Variants in HIF1AN observed in about 807,000 individuals in gnomAD.
HIF1AN encodes hypoxia inducible factor 1 subunit alpha inhibitor.
A neutral mutation model predicts 47.7 loss-of-function variants in HIF1AN; 21 were observed. The ratio of observed to expected loss-of-function variants is 0.44; its 90% CI spans 0.31 to 0.63. The LOEUF is 0.63. Among genes scored for constraint, HIF1AN ranks in the 30% least tolerant of loss-of-function variants. The pLI, the probability that HIF1AN is intolerant of heterozygous loss-of-function variation, is 0.07. For missense variants in HIF1AN, 320 were observed against 432.7 expected, an observed-to-expected ratio of 0.74 and a Z score of 2.31; for synonymous variants, 152 against 155.9, an observed-to-expected ratio of 0.98 and a Z score of 0.18.
At chr10:100,538,578 C>T (rs112819984) in intron 2 of HIF1AN, among the ~76,000 whole-genome samples, 3 of 152,152 alleles carry the variant, frequency 2.0e-5, no homozygotes, top group African/African-American at 7.2e-5. Context: ...CACCTGTAAT[C>T]TCAGCACTTC....
At chr10:100,545,840 TTTTTG>T in intron 4 of HIF1AN, 98 bp from the exon 5 acceptor site, 3 of 758,324 alleles carry the variant, frequency 4.0e-6, no homozygotes, top group Non-Finnish European at 6.7e-6. Context: ...CATCGTTTTT[TTTTTG>T]TTTGTTTGTT....
At chr10:100,546,451 G>T (rs1191721089) in intron 5 of HIF1AN, 67 bp from the exon 6 acceptor site, 17 of 367,924 alleles carry the variant, frequency 4.6e-5, no homozygotes, top group Admixed American at 2.7e-4. Flanking sequence ...CCACCCCCCC[G>T]CACTTCGCCC....
rs1037774784 is a variant in HIF1AN, at chr10:100,548,902, A to T, written c.*765A>T. 1 of 152,586 alleles carries T rather than the reference A, an allele frequency of 6.6e-6. No homozygotes were observed. Among genetic ancestry groups the T allele is most frequent in the Non-Finnish European group, 1.5e-5 (1 of 68,032 alleles). 9.5% of individuals were successfully genotyped at this position (152,586 alleles called of 1,614,324 possible). On this transcript the variant is annotated 3_prime_UTR_variant, in exon 8 of 8. Transcript: ENST00000299163. ...GAGACACATATAGTTTCTCTCTTTC[A>T]GCACCAGCTCTTGCCCCTATGCTGG... is the stretch of plus-strand genomic sequence containing the variant.
intron 2 of HIF1AN, among the ~76,000 whole-genome samples, chr10:100,538,954 G>A (rs1382991833): frequency 7.0e-6 from 1 of 142,668 alleles, no homozygotes; most frequent in African/African-American, 2.7e-5. Context: ...CACCCAGGCT[G>A]GAGTGCAGTG....
Position 100,559,044 on chromosome 10 carries a change from GTTTC to G in HIF1AN, c.*10911_*10914del, listed in dbSNP as rs1167024218. ...GAATTTTAAGTTGAAATTTTGCTAA[GTTTC>G]TTTTTTTTTTTTTTGAGACGGAGTC... On this transcript the variant is annotated 3_prime_UTR_variant, in exon 8 of 8. Coordinates refer to ENST00000299163, the MANE Select transcript of HIF1AN (RefSeq NM_017902.3). 6.6e-6 allele frequency: 1 copy of G among 150,814 alleles called. No individual in the cohort carries two copies. The highest frequency in any genetic ancestry group is 1.5e-5 in the Non-Finnish European group (1 of 67,706). 9.3% of individuals were successfully genotyped at this position (150,814 alleles called of 1,614,324 possible).
intron 2 of HIF1AN, 103 bp downstream of exon 2, chr10:100,536,764 C>T: frequency 8.0e-7 from 1 of 1,251,496 alleles, no homozygotes. Flanking sequence ...AGAGATTGGC[C>T]TCTCCCATCT....
chr10:100,547,362 A>C, intron 7 of HIF1AN, 112 bp downstream of exon 7: 1 of 684,986 alleles, frequency 1.5e-6, no homozygotes, highest in Non-Finnish European at 2.6e-6. Flanking sequence ...CTCTCTCTCC[A>C]TAGAGGTTAT....
intron 2 of HIF1AN, 111 bp from the exon 3 acceptor site, chr10:100,540,523 C>A (rs972350739): frequency 8.2e-7 from 1 of 1,212,852 alleles, no homozygotes; most frequent in Non-Finnish European, 1.2e-6. Context: ...TACATCTGTT[C>A]TCTGTGGGAG....
Position 100,536,004 on chromosome 10 carries a change from C to A in HIF1AN, c.46C>A (p.Pro16Thr). ...GGCTGTGGCCTCTGGCTCTGGAGAG[C>A]CCCGGGAGGAGGCTGGAGCCCTCGG... Reference protein sequence around the residue: ...AEAVASGSGEPREEAGALGPA... With the variant: ...AEAVASGSGETREEAGALGPA... The change falls in exon 1 of 8, where the codon CCC becomes ACC. Residue 16 changes from proline to threonine, a missense_variant. Pro to Thr is a conservative substitution (Grantham distance 38). This residue lies in a region of HIF1AN where 159 missense variants were observed against 159.9 expected (regional missense o/e 0.99). Coordinates refer to ENST00000299163, the MANE Select transcript of HIF1AN (RefSeq NM_017902.3). 1 of 1,569,072 alleles carries A rather than the reference C, an allele frequency of 6.4e-7. No homozygotes were observed. The highest frequency in any genetic ancestry group is 8.6e-7 in the Non-Finnish European group (1 of 1,158,988).
Position 100,555,028 on chromosome 10 carries a change from G to A in HIF1AN, c.*6891G>A, listed in dbSNP as rs1274314676. On this transcript the variant is annotated 3_prime_UTR_variant, in exon 8 of 8. Coordinates refer to ENST00000299163, the MANE Select transcript of HIF1AN (RefSeq NM_017902.3). The stretch of plus-strand genomic sequence containing the variant: ...GTATAGAGGAGAAGCATTGCACTAT[G>A]TCCAGTTTTTTATGGTAGGCTTCCT... The A allele has an allele frequency of 6.6e-6, 1 of 152,186 alleles. No individual in the cohort carries two copies. The highest frequency in any genetic ancestry group is 6.5e-5 in the Admixed American group (1 of 15,284). The allele number at this position is 152,186 out of a possible 1,614,324, so 9.4% of individuals were successfully genotyped here. A position where few individuals can be genotyped will look rare whatever the true frequency, so the allele number is the denominator to read the frequency against.
rs10883513 is a variant in HIF1AN, at chr10:100,557,207, T to C, written c.*9070T>C. 27,018 of 152,136 alleles carry C rather than the reference T, an allele frequency of 0.18. 2,622 individuals carry two copies. The highest frequency in any genetic ancestry group is 0.22 in the South Asian group (1,065 of 4,812). The allele number at this position is 152,136 out of a possible 1,614,324, so 9.4% of individuals were successfully genotyped here. A position where few individuals can be genotyped will look rare whatever the true frequency, so the allele number is the denominator to read the frequency against. ...AGGAGGATGTCTGTGGAGGACACAG[T>C]GTGGCTGAGTGGAGAGAACACAAGC... On this transcript the variant is annotated 3_prime_UTR_variant, in exon 8 of 8. Transcript: ENST00000299163.
intron 4 of HIF1AN, chr10:100,545,508 T>A: frequency 4.8e-6 from 1 of 206,642 alleles, no homozygotes; most frequent in Non-Finnish European, 9.6e-6. Context: ...ATTTCCTAGA[T>A]CTAAATGAGG....
intron 4 of HIF1AN, 132 bp from the exon 5 acceptor site, chr10:100,545,811 C>G: frequency 1.5e-6 from 1 of 649,368 alleles, no homozygotes; most frequent in Non-Finnish European, 2.7e-6. Flanking sequence ...GATATAAATT[C>G]CAAATACTTT....
chr10:100,559,011 T>G lies in HIF1AN; in HGVS notation c.*10874T>G, dbSNP rs1241968721. 1 of 152,208 alleles carries G rather than the reference T, an allele frequency of 6.6e-6. No homozygotes were observed. Among genetic ancestry groups the G allele is most frequent in the Non-Finnish European group, 1.5e-5 (1 of 68,038 alleles). 9.4% of individuals were successfully genotyped at this position (152,208 alleles called of 1,614,324 possible). ...GTAATGCCAACTAAAAAGTGTGTAT[T>G]TATACTCGAATTTTAAGTTGAAATT... is the stretch of plus-strand genomic sequence containing the variant. On this transcript the variant is annotated 3_prime_UTR_variant, in exon 8 of 8. Transcript: ENST00000299163.
chr10:100,542,336 TTC>T (rs1285907618), intron 3 of HIF1AN, among the ~76,000 whole-genome samples: 2 of 152,054 alleles, frequency 1.3e-5, no homozygotes, highest in African/African-American at 4.8e-5. Flanking sequence ...TTAGTGTAAA[TTC>T]AACTTTATTG....
Position 100,559,201 on chromosome 10 carries a change from T to C in HIF1AN, c.*11064T>C, listed in dbSNP as rs1422449593. The C allele has an allele frequency of 6.6e-6, 1 of 152,222 alleles. No individual in the cohort carries two copies. Among genetic ancestry groups the C allele is most frequent in the African/African-American group, 2.4e-5 (1 of 41,462 alleles). 9.4% of individuals were successfully genotyped at this position (152,222 alleles called of 1,614,324 possible). On this transcript the variant is annotated 3_prime_UTR_variant, in exon 8 of 8. Coordinates refer to ENST00000299163, the MANE Select transcript of HIF1AN (RefSeq NM_017902.3). ...CTTAATTTATTGGAAATATAAGTAC[T>C]TGATCAGGTTTTGTCTTGGTCAGAT...
rs1386437756 is a variant in HIF1AN, at chr10:100,547,259, C to G, written c.1005+9C>G. ...TGGGGAACCCACAAGAGGTAGGTGA[C>G]TGCCCCAAGGTGGCTCAGTGGGTGG... On this transcript the variant is annotated intron_variant, in intron 7 of 7. Transcript: ENST00000299163. 1 of 1,592,796 alleles carries G rather than the reference C, an allele frequency of 6.3e-7. No individual in the cohort carries two copies. The highest frequency in any genetic ancestry group is 1.7e-4 in the Middle Eastern group (1 of 6,024).
chr10:100,549,973 C>T lies in HIF1AN; in HGVS notation c.*1836C>T, dbSNP rs998400609. The T allele has an allele frequency of 6.6e-6, 1 of 152,086 alleles. No homozygotes were observed. The highest frequency in any genetic ancestry group is 1.5e-5 in the Non-Finnish European group (1 of 68,016). The allele number at this position is 152,086 out of a possible 1,614,324, so 9.4% of individuals were successfully genotyped here. ...AGATATGGTACCTTCTCAAGTGTAG[C>T]TCTTTCAAATATAGTCAATGCTGGG... On this transcript the variant is annotated 3_prime_UTR_variant, in exon 8 of 8. Transcript: ENST00000299163.
chr10:100,545,326 A>G, intron 4 of HIF1AN: 1 of 463,352 alleles, frequency 2.2e-6, no homozygotes, highest in Non-Finnish European at 3.8e-6. Flanking sequence ...TTCTCAGGAC[A>G]GACACTGTCA....
Sources: gnomAD v4.1 joint callset for allele counts (sites outside exome capture counted in the v4.1 genomes callset) on GRCh38, gnomAD v4.1.1 for gene constraint, gnomAD v4.1.1 regional missense constraint, MANE v1.5 for transcripts, NCBI Gene and HGNC (gene_info 2026-07-23, HGNC 2026-07-21) for gene names.